BRAF: variants seen among roughly 807,000 people sequenced by gnomAD.
BRAF encodes serine/threonine-protein kinase B-raf.
Under a neutral mutation model 104.6 loss-of-function variants are expected in BRAF, and 16 were observed. That is an observed-to-expected ratio of 0.15 (90% CI 0.10 to 0.23). The LOEUF (loss-of-function observed/expected upper bound fraction) is 0.23. Ranked by LOEUF, BRAF falls within the 10% of genes least tolerant of loss-of-function variation. The pLI is 1.00. For synonymous variants in BRAF, 310 were observed against 341.6 expected (o/e 0.91, Z 1.02); for missense variants, 541 against 937.3 (o/e 0.58, Z 5.52).
At position 140,750,486 on chromosome 7, in the gene BRAF, A is replaced by G. The variant is rs138990594; in HGVS notation, c.1981-1068T>C. Among the ~76,000 whole-genome samples the G allele has an allele frequency of 8.3e-3, 1,258 of 152,284 alleles. 57 individuals are homozygous for G. The highest frequency in any genetic ancestry group is 0.075 in the Admixed American group (1,140 of 15,296). ...CAGAGTCTGGGGGTGGGACCCAAAC[A>G]TTAATTAGTCTTTAAAGCTCCACAG... is the stretch of plus-strand genomic sequence containing the variant. On this transcript the variant is annotated intron_variant, in intron 16 of 19. Transcript: ENST00000644969.
intron 18 of BRAF, among the ~76,000 whole-genome samples, chr7:140,739,083 C>T (rs1796684617): frequency 6.6e-6 from 1 of 151,746 alleles, no homozygotes; most frequent in Non-Finnish European, 1.5e-5. Context: ...CTCAAAAAGA[C>T]CCAGTATTAA....
chr7:140,756,182 T>A (rs1295645642), intron 14 of BRAF, among the ~76,000 whole-genome samples: 1 of 152,044 alleles, frequency 6.6e-6, no homozygotes, highest in Non-Finnish European at 1.5e-5. Context: ...AGCATAGAAG[T>A]TATATAGCAT....
At chr7:140,756,072 G>T (rs976074878) in intron 14 of BRAF, among the ~76,000 whole-genome samples, 5 of 152,096 alleles carry the variant, frequency 3.3e-5, no homozygotes, top group Non-Finnish European at 7.4e-5. Flanking sequence ...AGAGTAGACA[G>T]AAATGTAACT....
intron 3 of BRAF, among the ~76,000 whole-genome samples, chr7:140,822,753 C>T (rs10234502): frequency 0.3 from 45,386 of 152,134 alleles, 10,798 homozygotes; most frequent in African/African-American, 0.66. Context: ...AATCTTTCTA[C>T]GAACATATGC....
At chr7:140,906,264 C>T (rs1410202684) in intron 1 of BRAF, among the ~76,000 whole-genome samples, 2 of 151,852 alleles carry the variant, frequency 1.3e-5, no homozygotes, top group African/African-American at 2.4e-5. Flanking sequence ...TGCAGTGGCA[C>T]GACCAAGGAT....
chr7:140,801,121 C>T (rs1293949103), intron 6 of BRAF: 1 of 298,934 alleles, frequency 3.3e-6, no homozygotes, highest in African/African-American at 2.2e-5. Context: ...TGAAACAACT[C>T]TCCCTCTCCT....
chr7:140,795,188 A>C (rs1802379461), intron 7 of BRAF, among the ~76,000 whole-genome samples: 1 of 152,256 alleles, frequency 6.6e-6, no homozygotes, highest in Non-Finnish European at 1.5e-5. Flanking sequence ...AATATGTTAC[A>C]TACCTATTTC....
chr7:140,873,515 T>C (rs1811852874), intron 1 of BRAF, among the ~76,000 whole-genome samples: 1 of 152,188 alleles, frequency 6.6e-6, no homozygotes, highest in Non-Finnish European at 1.5e-5. Context: ...CTTCTTCAGA[T>C]GACTGACCAA....
At position 140,833,097 on chromosome 7, in the gene BRAF, C is replaced by G. The variant is rs979683182; in HGVS notation, c.504+1512G>C. Among the ~76,000 whole-genome samples the G allele has an allele frequency of 3.9e-5, 6 of 152,146 alleles. No individual in the cohort carries two copies. The East Asian group carries it at 7.7e-4, about 20-fold the overall frequency. ...CACCGTGTGTTAGCCAGGACTGTCT[C>G]GATCTCCTGACCTCCTGACCTCGTG... On this transcript the variant is annotated intron_variant, in intron 3 of 19. Transcript: ENST00000644969.
chr7:140,905,003 A>G (rs913475121), intron 1 of BRAF, among the ~76,000 whole-genome samples: 1 of 152,198 alleles, frequency 6.6e-6, no homozygotes, highest in Non-Finnish European at 1.5e-5. Context: ...GGACAGAAAA[A>G]AATGCTTTTT....
intron 2 of BRAF, among the ~76,000 whole-genome samples, chr7:140,843,234 T>G (rs1381799106): frequency 6.6e-6 from 1 of 152,158 alleles, no homozygotes; most frequent in Non-Finnish European, 1.5e-5. Flanking sequence ...TGAGAAAGAT[T>G]TTCTTCCTAG....
At chr7:140,827,350 T>C (rs1806169848) in intron 3 of BRAF, among the ~76,000 whole-genome samples, 1 of 152,154 alleles carries the variant, frequency 6.6e-6, no homozygotes, top group Non-Finnish European at 1.5e-5. Context: ...TTCTGTGCAG[T>C]GCCTGAGTGC....
At chr7:140,744,307 T>A (rs1313802020) in intron 17 of BRAF, among the ~76,000 whole-genome samples, 1 of 152,226 alleles carries the variant, frequency 6.6e-6, no homozygotes, top group African/African-American at 2.4e-5. Flanking sequence ...TTGGCAATAA[T>A]CCATGTGTGT....
intron 14 of BRAF, among the ~76,000 whole-genome samples, chr7:140,775,585 T>TG (rs1327108465): frequency 3.2e-5 from 4 of 123,906 alleles, no homozygotes; most frequent in African/African-American, 1.3e-4. Context: ...GTGATCCGCC[T>TG]GCCTCGGCCT....
At chr7:140,886,764 G>T (rs575140284) in intron 1 of BRAF, among the ~76,000 whole-genome samples, 7 of 152,134 alleles carry the variant, frequency 4.6e-5, no homozygotes, top group Non-Finnish European at 7.4e-5. Context: ...GAATTTGCGT[G>T]TGTGTGTATG....
intron 1 of BRAF, among the ~76,000 whole-genome samples, chr7:140,875,519 G>A (rs1812134191): frequency 6.6e-6 from 1 of 152,180 alleles, no homozygotes; most frequent in Non-Finnish European, 1.5e-5. Context: ...GGGATTATAG[G>A]TGCCCGCGAA....
Position 140,724,925 on chromosome 7 carries a change from C to G in BRAF, c.*1569G>C. On this transcript the variant is annotated 3_prime_UTR_variant, in exon 20 of 20. Transcript: ENST00000644969. ...ACCCTTTAATAAAGGCCAAAGGAAG[C>G]TATAACTAGGTTATATTTTCCATTT... is the stretch of plus-strand genomic sequence containing the variant. 1.9e-6 allele frequency: 2 copies of G among 1,040,460 alleles called. No homozygotes were observed. The highest frequency in any genetic ancestry group is 2.3e-6 in the Non-Finnish European group (2 of 863,612). The allele number at this position is 1,040,460 out of a possible 1,614,324, so 64.5% of individuals were successfully genotyped here. A position where few individuals can be genotyped will look rare whatever the true frequency, so the allele number is the denominator to read the frequency against.
At chr7:140,844,199 C>T (rs1429390997) in intron 2 of BRAF, among the ~76,000 whole-genome samples, 2 of 151,506 alleles carry the variant, frequency 1.3e-5, no homozygotes, top group African/African-American at 2.4e-5. Flanking sequence ...TAAGGGCGCA[C>T]CCTTCTATAG....
At chr7:140,830,918 C>T (rs1266827613) in intron 3 of BRAF, among the ~76,000 whole-genome samples, 1 of 152,112 alleles carries the variant, frequency 6.6e-6, no homozygotes, top group Non-Finnish European at 1.5e-5. Flanking sequence ...TTAAGTGTTT[C>T]TTGAAGTTCT....
Sources: gnomAD v4.1 joint callset for allele counts (sites outside exome capture counted in the v4.1 genomes callset) on GRCh38, gnomAD v4.1.1 for gene constraint, MANE v1.5 for transcripts, NCBI Gene and HGNC (gene_info 2026-07-23, HGNC 2026-07-21) for gene names.